Variants in DOCK10 observed in about 807,000 individuals in gnomAD.
DOCK10 encodes the protein dedicator of cytokinesis protein 10.
In DOCK10, 145 loss-of-function variants were observed where a neutral mutation model predicts 280.1. The observed-to-expected ratio is 0.52, with a 90% confidence interval of 0.45 to 0.59. The LOEUF (loss-of-function observed/expected upper bound fraction) is 0.59. Ranked by LOEUF, DOCK10 falls within the 20% of genes least tolerant of loss-of-function variation. The pLI is 0.00. For synonymous variants in DOCK10, 915 were observed against 942.2 expected (o/e 0.97, Z 0.53); for missense variants, 2,368 against 2,651.7 (o/e 0.89, Z 2.35).
chr2:224,871,650 C>A (rs759599944), intron 11 of DOCK10, among the ~76,000 whole-genome samples: 1 of 152,156 alleles, frequency 6.6e-6, no homozygotes, highest in Non-Finnish European at 1.5e-5. Context: ...GTTCCTAGAA[C>A]TTGCTAAAGC....
intron 4 of DOCK10, chr2:224,893,312 G>A (rs1451708367): frequency 6.2e-6 from 1 of 161,830 alleles, no homozygotes; most frequent in African/African-American, 2.4e-5. Flanking sequence ...TCAAAAAAAT[G>A]CTCTTTTATT....
intron 1 of DOCK10, among the ~76,000 whole-genome samples, chr2:224,979,905 T>C (rs1705659246): frequency 1.3e-5 from 2 of 151,392 alleles, no homozygotes; most frequent in South Asian, 2.1e-4. Context: ...ACACAGCTGA[T>C]AAGTGATGAA....
intron 1 of DOCK10, among the ~76,000 whole-genome samples, chr2:225,040,513 C>CGT (rs34574873): frequency 0.19 from 27,871 of 147,274 alleles, 2,721 homozygotes; most frequent in Middle Eastern, 0.36. Flanking sequence ...GAAAGCAGTG[C>CGT]GTGTGTGTGT....
chr2:225,006,833 C>A (rs1167198648), intron 1 of DOCK10, among the ~76,000 whole-genome samples: 2 of 152,160 alleles, frequency 1.3e-5, no homozygotes, highest in African/African-American at 4.8e-5. Flanking sequence ...GTAAAGTGAA[C>A]CTTGAAAAGG....
intron 24 of DOCK10, among the ~76,000 whole-genome samples, chr2:224,838,951 T>G (rs1695767431): frequency 6.6e-6 from 1 of 152,204 alleles, no homozygotes; most frequent in African/African-American, 2.4e-5. Flanking sequence ...ATACAGCCAC[T>G]CTGGAGAATA....
rs1473708747 is a variant in DOCK10 at position 224,830,567 on chromosome 2, G to A, written c.3010C>T (p.His1004Tyr). 6.5e-7 allele frequency: 1 copy of A among 1,534,284 alleles called. No individual in the cohort carries two copies. The change falls in exon 27 of 56, where the codon CAC becomes TAC. Residue 1004 changes from histidine (H) to tyrosine (Y), a missense_variant. His to Tyr is a moderately conservative substitution (Grantham distance 83). This residue lies in a region of DOCK10 where 1,209 missense variants were observed against 1,250.9 expected (regional missense o/e 0.97). Coordinates refer to ENST00000258390, the MANE Select transcript of DOCK10 (RefSeq NM_014689.3). Reference protein sequence around the residue: ...FAIILKSMAQHLIDTNKIQLP... With the variant: ...FAIILKSMAQYLIDTNKIQLP... Reference sequence around the variant, plus strand: ...TGGATTTTATTTGTGTCAATCAAGTGCTGTGCCATCGATTTTAGGATAATT... The same window carrying A: ...TGGATTTTATTTGTGTCAATCAAGTACTGTGCCATCGATTTTAGGATAATT...
chr2:224,928,327 T>TG (rs1490845110), intron 2 of DOCK10, among the ~76,000 whole-genome samples: 3 of 152,210 alleles, frequency 2.0e-5, no homozygotes, highest in Non-Finnish European at 4.4e-5. Context: ...GTTGCAACCC[T>TG]GCCTTTACAT....
At chr2:224,986,516 G>C (rs148032957) in intron 1 of DOCK10, among the ~76,000 whole-genome samples, 51 of 152,274 alleles carry the variant, frequency 3.3e-4, no homozygotes, top group African/African-American at 1.1e-3. Context: ...TTGAGATAGA[G>C]CTTCTAAGAA....
chr2:224,829,200 C>T (rs1338162865), intron 27 of DOCK10, among the ~76,000 whole-genome samples: 1 of 152,142 alleles, frequency 6.6e-6, no homozygotes, highest in Non-Finnish European at 1.5e-5. Context: ...CCATGTCTGC[C>T]CTGATAGAGT....
At chr2:224,898,176 C>T (rs572095117) in intron 3 of DOCK10, among the ~76,000 whole-genome samples, 63 of 152,246 alleles carry the variant, frequency 4.1e-4, no homozygotes, top group African/African-American at 1.5e-3. Flanking sequence ...GGACGGAGAA[C>T]ACATGTTCCA....
At chr2:224,855,115 A>G (rs1697037226) in intron 15 of DOCK10, 73 bp from the exon 16 acceptor site, 2 of 959,268 alleles carry the variant, frequency 2.1e-6, no homozygotes, top group Non-Finnish European at 2.9e-6. Flanking sequence ...TATTATTCCA[A>G]TTTTCAAGGA....
At chr2:224,860,862 TG>T (rs1436736109) in intron 14 of DOCK10, 5 of 152,250 alleles carry the variant, frequency 3.3e-5, no homozygotes, top group Admixed American at 3.3e-4. Flanking sequence ...ATTATAGGCA[TG>T]CCCCACCATG....
intron 1 of DOCK10, among the ~76,000 whole-genome samples, chr2:225,006,440 A>C (rs1689253658): frequency 6.6e-6 from 1 of 152,174 alleles, no homozygotes; most frequent in African/African-American, 2.4e-5. Flanking sequence ...TCCATTTCTT[A>C]AATGTCGACA....
At chr2:224,947,170 C>T in intron 1 of DOCK10, 2 of 644,148 alleles carry the variant, frequency 3.1e-6, no homozygotes, top group Non-Finnish European at 4.6e-6. Flanking sequence ...TGCTTTTGTG[C>T]ATATATCCTC....
intron 1 of DOCK10, among the ~76,000 whole-genome samples, chr2:224,969,471 G>A (rs947117094): frequency 2.6e-5 from 4 of 152,132 alleles, no homozygotes; most frequent in South Asian, 2.1e-4. Context: ...AATTTGTGAT[G>A]AGACTTTTTA....
chr2:225,017,384 T>G (rs373969037), intron 1 of DOCK10, among the ~76,000 whole-genome samples: 90 of 147,322 alleles, frequency 6.1e-4, no homozygotes, highest in South Asian at 5.0e-3. Context: ...GAAATAAAAT[T>G]GACACACTAG....
In DOCK10 at chr2:224,903,619, T is replaced by C. The variant is rs16866316; in HGVS notation, c.334-7242A>G. Among the ~76,000 whole-genome samples the C allele has an allele frequency of 6.1e-3, 932 of 152,320 alleles. 11 individuals carry two copies. The highest frequency in any genetic ancestry group is 0.02 in the African/African-American group (822 of 41,562). ...AATGATGGATGGTACTAAAACACCT[T>C]GGTACTATTATGATCCAATCATTGC... On this transcript the variant is annotated intron_variant, in intron 3 of 55. Transcript: ENST00000258390.
At chr2:224,827,932 C>CT (rs563424256) in intron 27 of DOCK10, among the ~76,000 whole-genome samples, 146 of 152,300 alleles carry the variant, frequency 9.6e-4, no homozygotes, top group Middle Eastern at 3.4e-3. Flanking sequence ...ATGGATGACT[C>CT]TGAGGAAGTG....
chr2:224,898,721 T>C (rs1205433810), intron 3 of DOCK10, among the ~76,000 whole-genome samples: 1 of 152,136 alleles, frequency 6.6e-6, no homozygotes, highest in African/African-American at 2.4e-5. Context: ...GGACTACAGG[T>C]GCCCGCCACC....
Sources: gnomAD v4.1 joint callset for allele counts (sites outside exome capture counted in the v4.1 genomes callset) on GRCh38, gnomAD v4.1.1 for gene constraint, gnomAD v4.1.1 regional missense constraint, MANE v1.5 for transcripts, NCBI Gene and HGNC (gene_info 2026-07-23, HGNC 2026-07-21) for gene names.